Variants in WWOX observed in about 807,000 individuals in gnomAD.
WWOX encodes WW domain-containing oxidoreductase.
WWOX carries 69 observed loss-of-function variants against 46.2 expected under a neutral mutation model. The ratio of observed to expected loss-of-function variants is 1.49; its 90% CI spans 1.23 to 1.82. The LOEUF is 1.82. WWOX is among the 40% of genes most tolerant of loss of function. WWOX has a pLI of 0.00. For missense variants in WWOX, 919 were observed against 542.6 expected (o/e 1.69, Z -6.89); for synonymous variants, 359 against 202.6 (o/e 1.77, Z -6.56).
At chr16:79,016,185 T>C (rs1001236126) in intron 8 of WWOX, 4 of 152,274 alleles carry the variant, frequency 2.6e-5, no homozygotes, top group African/African-American at 4.8e-5. Flanking sequence ...AAGGATCTAC[T>C]GGCAGCTTCT....
intron 8 of WWOX, among the ~76,000 whole-genome samples, chr16:78,508,758 A>C (rs58211226): frequency 6.6e-6 from 1 of 152,140 alleles, no homozygotes; most frequent in African/African-American, 2.4e-5. Flanking sequence ...AGATCTGAGC[A>C]CTATGCCTGC....
chr16:78,794,124 G>A (rs1422332155), intron 8 of WWOX, among the ~76,000 whole-genome samples: 3 of 152,092 alleles, frequency 2.0e-5, no homozygotes, highest in Non-Finnish European at 4.4e-5. Context: ...TGAAGACAGA[G>A]CCTGCATAAT....
chr16:79,056,711 C>T (rs1449754194), intron 8 of WWOX, among the ~76,000 whole-genome samples: 1 of 152,190 alleles, frequency 6.6e-6, no homozygotes, highest in African/African-American at 2.4e-5. Context: ...TGTCTCTTGG[C>T]TGGGATAAGT....
intron 8 of WWOX, among the ~76,000 whole-genome samples, chr16:78,462,788 TC>T: frequency 6.6e-6 from 1 of 152,316 alleles, no homozygotes; most frequent in South Asian, 2.1e-4. Flanking sequence ...TAGTTACGCT[TC>T]CCTTGATTAG....
At chr16:78,134,776 A>G (rs556043634) in intron 4 of WWOX, among the ~76,000 whole-genome samples, 1 of 152,332 alleles carries the variant, frequency 6.6e-6, no homozygotes, top group African/African-American at 2.4e-5. Flanking sequence ...TTAAGAGTAT[A>G]ACGTTGGTTT....
At chr16:78,481,724 AGTGTGTGTGTGTGTGTGTGTGT>A (rs67780639) in intron 8 of WWOX, among the ~76,000 whole-genome samples, 3 of 137,048 alleles carry the variant, frequency 2.2e-5, no homozygotes, top group Admixed American at 7.4e-5. Context: ...GGGCAAGGGA[AGTGTGTGTGTGTGTGTGTGTGT>A]GTGTGTGTGT....
At chr16:78,665,465 T>C (rs1400168148) in intron 8 of WWOX, among the ~76,000 whole-genome samples, 3 of 152,174 alleles carry the variant, frequency 2.0e-5, no homozygotes, top group Admixed American at 1.3e-4. Context: ...TTTCCTGACA[T>C]GTGATTTGCT....
chr16:79,163,244 G>T (rs993598578), intron 8 of WWOX, among the ~76,000 whole-genome samples: 1 of 152,154 alleles, frequency 6.6e-6, no homozygotes, highest in Non-Finnish European at 1.5e-5. Context: ...GTGAGAAAGA[G>T]ACCAGAGAAA....
intron 8 of WWOX, among the ~76,000 whole-genome samples, chr16:78,455,027 T>C (rs2083782720): frequency 6.6e-6 from 1 of 152,212 alleles, no homozygotes. Context: ...GAGCAAGGTG[T>C]TCTCTTGGCT....
At chr16:78,493,371 C>G (rs1328533070) in intron 8 of WWOX, among the ~76,000 whole-genome samples, 1 of 152,170 alleles carries the variant, frequency 6.6e-6, no homozygotes, top group African/African-American at 2.4e-5. Flanking sequence ...CAGGCTTACC[C>G]AGTTCATTTA....
rs1051399288 is a variant in WWOX, at chr16:79,087,778, C to T, written c.1057-123830C>T. Among the ~76,000 whole-genome samples, 10 of 152,148 alleles carry T rather than the reference C, an allele frequency of 6.6e-5. No homozygotes were observed. The East Asian group carries it at 9.7e-4, about 15-fold the overall frequency. On this transcript the variant is annotated intron_variant, in intron 8 of 8. Coordinates refer to ENST00000566780, the MANE Select transcript of WWOX (RefSeq NM_016373.4). ...ATTTCTCTGCTCTTTTAGTTTAGTA[C>T]GTTCTCTTGGTTGCGAGGAAATCAC...
At chr16:78,495,142 G>GTACTTTTTT in intron 8 of WWOX, among the ~76,000 whole-genome samples, 1 of 46,948 alleles carries the variant, frequency 2.1e-5, no homozygotes, top group East Asian at 9.4e-4. Context: ...AGACTGTTGT[G>GTACTTTTTT]TTCTTTTTTT....
intron 8 of WWOX, among the ~76,000 whole-genome samples, chr16:79,110,034 G>A (rs1471242264): frequency 6.6e-6 from 1 of 152,194 alleles, no homozygotes; most frequent in African/African-American, 2.4e-5. Context: ...TTTATTGCTA[G>A]CCTGGTAGAT....
chr16:78,318,072 A>G (rs2080391137), intron 5 of WWOX, among the ~76,000 whole-genome samples: 1 of 152,072 alleles, frequency 6.6e-6, no homozygotes, highest in African/African-American at 2.4e-5. Flanking sequence ...AATTGGTTCT[A>G]ACAATATCCT....
chr16:78,768,978 A>T (rs1198915995), intron 8 of WWOX, among the ~76,000 whole-genome samples: 1 of 152,124 alleles, frequency 6.6e-6, no homozygotes, highest in Non-Finnish European at 1.5e-5. Flanking sequence ...CAAGCACCAG[A>T]AGGTGTGGTT....
At chr16:78,233,720 G>A (rs1029672988) in intron 5 of WWOX, among the ~76,000 whole-genome samples, 1 of 151,890 alleles carries the variant, frequency 6.6e-6, no homozygotes, top group Non-Finnish European at 1.5e-5. Flanking sequence ...GTAGGGATGG[G>A]GTTTCACCGT....
intron 8 of WWOX, among the ~76,000 whole-genome samples, chr16:78,615,967 G>A (rs2046014433): frequency 6.6e-6 from 1 of 152,096 alleles, no homozygotes; most frequent in Admixed American, 6.6e-5. Flanking sequence ...AGCCAGGATG[G>A]TCTCGATCTC....
At chr16:78,902,575 G>A (rs762909560) in intron 8 of WWOX, among the ~76,000 whole-genome samples, 9 of 152,228 alleles carry the variant, frequency 5.9e-5, no homozygotes, top group African/African-American at 7.2e-5. Flanking sequence ...ATATGCCCGA[G>A]TAGAAAATCT....
intron 8 of WWOX, among the ~76,000 whole-genome samples, chr16:79,200,703 C>A (rs1325078396): frequency 6.6e-6 from 1 of 152,076 alleles, no homozygotes; most frequent in Non-Finnish European, 1.5e-5. Context: ...CCTCACACTC[C>A]CTGGACAAAG....
Sources: allele counts gnomAD v4.1 joint callset (sites outside exome capture counted in the v4.1 genomes callset), GRCh38; gene constraint gnomAD v4.1.1; transcripts MANE v1.5; gene names NCBI Gene and HGNC (gene_info 2026-07-23, HGNC 2026-07-21).